Variants in ABRAXAS1 observed in about 807,000 individuals in gnomAD.
ABRAXAS1 encodes abraxas 1, BRCA1 A complex subunit.
In ABRAXAS1, 26 loss-of-function variants were observed where a neutral mutation model predicts 38.4. That is an observed-to-expected ratio of 0.68 (90% CI 0.50 to 0.94). The LOEUF (loss-of-function observed/expected upper bound fraction) is 0.94. Ranked by LOEUF, ABRAXAS1 falls within the 40% of genes least tolerant of loss-of-function variation. The pLI is 0.00. For synonymous variants in ABRAXAS1, 144 were observed against 165.5 expected (o/e 0.87, Z 1.00); for missense variants, 438 against 481.9 (o/e 0.91, Z 0.85).
At chr4:83,484,934 G>A (rs932250360) in intron 1 of ABRAXAS1, 52 bp downstream of exon 1, 19 of 1,464,712 alleles carry the variant, frequency 1.3e-5, no homozygotes, top group Admixed American at 8.0e-5. Flanking sequence ...GGCAGGCCGC[G>A]CGCAGGGCTC....
chr4:83,477,650 A>G, intron 2 of ABRAXAS1: 1 of 529,034 alleles, frequency 1.9e-6, no homozygotes, highest in Non-Finnish European at 3.7e-6. Context: ...ACACGACTTC[A>G]GGTAGGTTCA....
chr4:83,472,650 T>C (rs1722624625), intron 3 of ABRAXAS1, among the ~76,000 whole-genome samples: 1 of 152,188 alleles, frequency 6.6e-6, no homozygotes, highest in African/African-American at 2.4e-5. Context: ...TTTTATAACA[T>C]TGATACATAC....
chr4:83,461,031 G>T lies in ABRAXAS1; in HGVS notation c.*1438C>A. 6.2e-7 allele frequency: 1 copy of T among 1,612,624 alleles called. No homozygotes were observed. Among genetic ancestry groups the T allele is most frequent in the South Asian group, 1.1e-5 (1 of 90,882 alleles). ...AAGCAATTAAGAGAGCTCAAATAAT[G>T]GGTAAGAAAGAATACCTCAACAACT... On this transcript the variant is annotated 3_prime_UTR_variant, in exon 9 of 9. Transcript: ENST00000321945.
intron 5 of ABRAXAS1, 163 bp from the exon 6 acceptor site, chr4:83,469,314 C>CT: frequency 2.4e-5 from 14 of 580,198 alleles, no homozygotes; most frequent in East Asian, 9.0e-5. Context: ...CTTGAAACAA[C>CT]TGTTTTTTTT....
intron 7 of ABRAXAS1, among the ~76,000 whole-genome samples, chr4:83,464,646 AC>A (rs1722279547): frequency 6.6e-6 from 1 of 152,136 alleles, no homozygotes. Context: ...TTTGCCAGTT[AC>A]CCCTGTACCC....
chr4:83,476,961 G>A (rs1272594487), intron 2 of ABRAXAS1, among the ~76,000 whole-genome samples: 3 of 152,134 alleles, frequency 2.0e-5, no homozygotes, highest in African/African-American at 4.8e-5. Flanking sequence ...TCTAAATAAC[G>A]GTCTAATAAG....
At chr4:83,464,863 G>T (rs1223173134) in intron 7 of ABRAXAS1, among the ~76,000 whole-genome samples, 2 of 152,190 alleles carry the variant, frequency 1.3e-5, no homozygotes, top group African/African-American at 2.4e-5. Context: ...AAGTTCTATG[G>T]CATTCTAGCT....
chr4:83,484,458 T>A (rs112810613), intron 1 of ABRAXAS1, among the ~76,000 whole-genome samples: 2,794 of 152,360 alleles, frequency 0.018, 37 homozygotes, highest in Middle Eastern at 0.031. Context: ...TAAAAAGATA[T>A]CTGATATACC....
chr4:83,478,138 G>C, intron 2 of ABRAXAS1: 1 of 779,858 alleles, frequency 1.3e-6, no homozygotes, highest in Non-Finnish European at 2.3e-6. Context: ...TGTCAGGAAT[G>C]ATGGAAGACA....
At chr4:83,474,180 T>TAAATAAATAAATAAATAAATAAAA (rs1457672501) in intron 3 of ABRAXAS1, among the ~76,000 whole-genome samples, 2 of 148,880 alleles carry the variant, frequency 1.3e-5, no homozygotes, top group African/African-American at 5.1e-5. Context: ...AATAAATAAA[T>TAAATAAATAAATAAATAAATAAAA]AAAATCTCTA....
In ABRAXAS1 at chr4:83,471,191, C is replaced by CTTTTTT. The variant is rs869128932; in HGVS notation, c.283-801_283-796dup. Among the ~76,000 whole-genome samples, 86 of 58,188 alleles carry CTTTTTT rather than the reference C, an allele frequency of 1.5e-3. 9 individuals carry two copies. The highest frequency in any genetic ancestry group is 2.4e-3 in the Non-Finnish European group (62 of 26,166). 38.2% of individuals were successfully genotyped at this position (58,188 alleles called of 152,430 possible). A position where few individuals can be genotyped will look rare whatever the true frequency, so the allele number is the denominator to read the frequency against. The stretch of plus-strand genomic sequence containing the variant: ...CAAACATATTTGTTGAAAGAAACAT[C>CTTTTTT]TTTTTTTTTTTTTTTTTTTTTTTTT... On this transcript the variant is annotated intron_variant, in intron 4 of 8. Coordinates refer to ENST00000321945, the MANE Select transcript of ABRAXAS1 (RefSeq NM_139076.3).
intron 4 of ABRAXAS1, among the ~76,000 whole-genome samples, chr4:83,471,210 TTTTTTTTTTTTTTGA>T (rs1467039862): frequency 5.5e-5 from 7 of 126,408 alleles, no homozygotes; most frequent in African/African-American, 9.6e-5. Flanking sequence ...TTTTTTTTTT[TTTTTTTTTTTTTTGA>T]GACAGTCTGG....
At chr4:83,468,418 C>T (rs1476390907) in intron 6 of ABRAXAS1, among the ~76,000 whole-genome samples, 1 of 151,716 alleles carries the variant, frequency 6.6e-6, no homozygotes, top group East Asian at 1.9e-4. Context: ...TAAAATCTAA[C>T]CCCTTATTCT....
intron 2 of ABRAXAS1, chr4:83,477,737 G>T (rs1722834832): frequency 9.2e-6 from 6 of 651,246 alleles, no homozygotes; most frequent in Non-Finnish European, 1.8e-5. Flanking sequence ...GATCTATAAA[G>T]CGGAAGGTGT....
At chr4:83,483,251 T>C (rs113377918) in intron 1 of ABRAXAS1, among the ~76,000 whole-genome samples, 36 of 152,120 alleles carry the variant, frequency 2.4e-4, no homozygotes, top group African/African-American at 8.4e-4. Context: ...AAAGACCCAA[T>C]GTGCTTGACA....
At chr4:83,470,174 A>G in intron 5 of ABRAXAS1, 29 bp downstream of exon 5, 3 of 1,558,692 alleles carry the variant, frequency 1.9e-6, no homozygotes, top group South Asian at 1.2e-5. Flanking sequence ...CTATTAGTTT[A>G]ATACAGCCAG....
intron 5 of ABRAXAS1, chr4:83,469,368 C>G (rs1039191635): frequency 6.1e-6 from 3 of 488,528 alleles, no homozygotes; most frequent in Non-Finnish European, 1.1e-5. Flanking sequence ...GGCTGCAGTG[C>G]AGTGGTGCGA....
At chr4:83,463,836 A>G in intron 7 of ABRAXAS1, 2 of 315,264 alleles carry the variant, frequency 6.3e-6, no homozygotes, top group East Asian at 4.9e-5. Context: ...CTTCTCATTT[A>G]TACAGCTTTT....
intron 4 of ABRAXAS1, among the ~76,000 whole-genome samples, chr4:83,471,137 T>TG (rs1002391695): frequency 3.3e-5 from 5 of 150,720 alleles, no homozygotes; most frequent in Admixed American, 2.7e-4. Context: ...AAATAATAAT[T>TG]GGGGGGAAAA....
Sources: allele counts gnomAD v4.1 joint callset (sites outside exome capture counted in the v4.1 genomes callset), GRCh38; gene constraint gnomAD v4.1.1; transcripts MANE v1.5; gene names NCBI Gene and HGNC (gene_info 2026-07-23, HGNC 2026-07-21).